The following TNRC6B variants were observed in gnomAD, a reference collection of about 807,000 sequenced individuals.
The protein encoded by TNRC6B is trinucleotide repeat containing adaptor 6B, also known as trinucleotide repeat-containing gene 6B protein.
In TNRC6B, 52 loss-of-function variants were observed where a neutral mutation model predicts 203.6. The observed-to-expected ratio is 0.26, with a 90% CI of 0.20 to 0.32. TNRC6B has a LOEUF of 0.32. Among genes scored for constraint, TNRC6B ranks in the 10% least tolerant of loss-of-function variants. The pLI is 1.00. For missense variants in TNRC6B, 1,923 were observed against 2,286.2 expected, an observed-to-expected ratio of 0.84 and a Z score of 3.24; for synonymous variants, 838 against 845.7, an observed-to-expected ratio of 0.99 and a Z score of 0.16.
intron 3 of TNRC6B, among the ~76,000 whole-genome samples, chr22:40,154,840 CAAAAAAAAAAA>C (rs57206167): frequency 1.0e-4 from 3 of 29,226 alleles, no homozygotes; most frequent in African/African-American, 1.5e-4. Flanking sequence ...GACTCTATCT[CAAAAAAAAAAA>C]AAAAAAAAAA....
At chr22:40,219,335 T>C (rs1454937828) in intron 1 of TNRC6B, among the ~76,000 whole-genome samples, 1 of 152,072 alleles carries the variant, frequency 6.6e-6, no homozygotes, top group African/African-American at 2.4e-5. Flanking sequence ...GGAAGGTATA[T>C]GAAGGAGCAA....
chr22:40,255,009 CG>C (rs1277679266), intron 3 of TNRC6B, among the ~76,000 whole-genome samples: 1 of 152,160 alleles, frequency 6.6e-6, no homozygotes, highest in African/African-American at 2.4e-5. Flanking sequence ...TTGTGGAGTT[CG>C]GGCCAGATTG....
chr22:40,049,985 A>G (rs2067731786), intron 1 of TNRC6B, among the ~76,000 whole-genome samples: 1 of 152,084 alleles, frequency 6.6e-6, no homozygotes, highest in Non-Finnish European at 1.5e-5. Context: ...TATTATCGTT[A>G]GTTTCTATTA....
chr22:40,318,795 T>A (rs1027064098), intron 21 of TNRC6B, among the ~76,000 whole-genome samples: 1 of 152,132 alleles, frequency 6.6e-6, no homozygotes, highest in Non-Finnish European at 1.5e-5. Flanking sequence ...GCTGGCCAGA[T>A]GTGGTGGCTC....
chr22:40,064,764 G>A (rs2067881679), intron 1 of TNRC6B, among the ~76,000 whole-genome samples: 1 of 151,836 alleles, frequency 6.6e-6, no homozygotes, highest in Admixed American at 6.6e-5. Context: ...TTATAGGCAT[G>A]TGCCACCACA....
chr22:40,171,664 GT>G (rs2069000680), intron 4 of TNRC6B, among the ~76,000 whole-genome samples: 1 of 152,066 alleles, frequency 6.6e-6, no homozygotes, highest in Admixed American at 6.6e-5. Context: ...AAATGGCGCT[GT>G]TTTCTTTTCC....
In TNRC6B at chr22:40,281,102, C is replaced by T. The variant is rs2070716549; in HGVS notation, c.3412-17C>T. On this transcript the variant is annotated splice_polypyrimidine_tract_variant and intron_variant, in intron 10 of 22. Coordinates refer to ENST00000454349, the MANE Select transcript of TNRC6B (RefSeq NM_001162501.2). ...ACCAACACTCGTTGTGATTGGCTAACTCCTACTACTTTTCAGCTGACTTTG... is the reference window on the plus strand; with the variant it reads ...ACCAACACTCGTTGTGATTGGCTAATTCCTACTACTTTTCAGCTGACTTTG... 5.2e-6 allele frequency: 8 copies of T among 1,542,650 alleles called. No individual in the cohort carries two copies. In the East Asian group the frequency reaches 1.7e-4, roughly 33 times the overall value.
intron 1 of TNRC6B, chr22:40,045,066 G>C (rs1455910931): frequency 6.9e-6 from 1 of 145,572 alleles, no homozygotes; most frequent in Non-Finnish European, 1.5e-5. Flanking sequence ...GAGCGGGGCG[G>C]CCGGGGGTCG....
chr22:40,301,833 C>T (rs554011735), intron 15 of TNRC6B, among the ~76,000 whole-genome samples: 1 of 152,250 alleles, frequency 6.6e-6, no homozygotes, highest in Non-Finnish European at 1.5e-5. Context: ...TTTTTGATCA[C>T]CAGCATGAAG....
At position 40,326,905 on chromosome 22, in the gene TNRC6B, T is replaced by C. The variant is rs980874985; in HGVS notation, c.*3664T>C. On this transcript the variant is annotated 3_prime_UTR_variant, in exon 23 of 23. Coordinates refer to ENST00000454349, the MANE Select transcript of TNRC6B (RefSeq NM_001162501.2). ...TAATAAGGAACAAGTGATTTTACTT[T>C]TTTAGCTCCCAGCTACTGTTGTGCT... 3 of 152,644 alleles carry C rather than the reference T, an allele frequency of 2.0e-5. No individual in the cohort carries two copies. Among genetic ancestry groups the C allele is most frequent in the Non-Finnish European group, 4.4e-5 (3 of 68,048 alleles). The allele number at this position is 152,644 out of a possible 1,614,324, so 9.5% of individuals were successfully genotyped here.
intron 3 of TNRC6B, 100 bp downstream of exon 3, chr22:40,251,300 C>A: frequency 4.4e-6 from 4 of 906,524 alleles, no homozygotes; most frequent in Middle Eastern, 2.2e-4. Context: ...AGAGAGTGGG[C>A]GTAGAGTAAT....
chr22:40,280,161 T>C lies in TNRC6B; in HGVS notation c.3411+18T>C. The C allele has an allele frequency of 6.2e-7, 1 of 1,606,008 alleles. No individual in the cohort carries two copies. The highest frequency in any genetic ancestry group is 8.5e-7 in the Non-Finnish European group (1 of 1,175,348). On this transcript the variant is annotated intron_variant, in intron 10 of 22. Coordinates refer to ENST00000454349, the MANE Select transcript of TNRC6B (RefSeq NM_001162501.2). ...TTGAGAAGGTGAGTTGAATCCTTTGTTTAAGATAATAATTCATGAGAACCG... is the reference window on the plus strand; with the variant it reads ...TTGAGAAGGTGAGTTGAATCCTTTGCTTAAGATAATAATTCATGAGAACCG...
At chr22:40,187,572 G>T (rs2069219960) in intron 1 of TNRC6B, among the ~76,000 whole-genome samples, 1 of 152,116 alleles carries the variant, frequency 6.6e-6, no homozygotes, top group African/African-American at 2.4e-5. Context: ...TGCACTCCCT[G>T]GAGTCAGTGA....
intron 1 of TNRC6B, among the ~76,000 whole-genome samples, chr22:40,115,703 A>T (rs2068381326): frequency 6.6e-6 from 1 of 152,174 alleles, no homozygotes; most frequent in Non-Finnish European, 1.5e-5. Context: ...GAGGATACAG[A>T]AAATTTCTAG....
chr22:40,317,991 T>C lies in TNRC6B; in HGVS notation c.4974+1979T>C, dbSNP rs574764792. The stretch of plus-strand genomic sequence containing the variant: ...ATATGATTAGGTCTCTGGCCTAATA[T>C]GTTTGACATGTATACTTGGTTAAAC... On this transcript the variant is annotated intron_variant, in intron 21 of 22. Coordinates refer to ENST00000454349, the MANE Select transcript of TNRC6B (RefSeq NM_001162501.2). Among the ~76,000 whole-genome samples, 6 of 152,372 alleles carry C rather than the reference T, an allele frequency of 3.9e-5. No individual in the cohort carries two copies. The South Asian group carries it at 1.2e-3, about 32-fold the overall frequency.
intron 4 of TNRC6B, among the ~76,000 whole-genome samples, chr22:40,165,812 C>T (rs950973554): frequency 6.6e-6 from 1 of 152,130 alleles, no homozygotes; most frequent in Non-Finnish European, 1.5e-5. Context: ...ATCACAAGAA[C>T]AGCATGAGAG....
intron 1 of TNRC6B, among the ~76,000 whole-genome samples, chr22:40,190,891 G>A (rs1406064378): frequency 6.6e-6 from 1 of 152,220 alleles, no homozygotes; most frequent in East Asian, 1.9e-4. Flanking sequence ...TGTGTTTACT[G>A]CATCAGTATT....
intron 2 of TNRC6B, among the ~76,000 whole-genome samples, chr22:40,120,785 A>G (rs2068436857): frequency 1.3e-5 from 2 of 152,230 alleles, no homozygotes; most frequent in Non-Finnish European, 2.9e-5. Context: ...TAAAGTTGCC[A>G]TAGGAGAACT....
At chr22:40,275,471 TATAAC>T (rs2070627359) in intron 7 of TNRC6B, among the ~76,000 whole-genome samples, 2 of 152,138 alleles carry the variant, frequency 1.3e-5, no homozygotes, top group Admixed American at 1.3e-4. Flanking sequence ...ATAAAATACA[TATAAC>T]ATATAATTTA....
Sources: allele counts gnomAD v4.1 joint callset (sites outside exome capture counted in the v4.1 genomes callset), GRCh38; gene constraint gnomAD v4.1.1; transcripts MANE v1.5; gene names NCBI Gene and HGNC (gene_info 2026-07-23, HGNC 2026-07-21).